AREG: variants seen among roughly 807,000 people sequenced by gnomAD.
AREG encodes amphiregulin B.
AREG carries 16 observed loss-of-function variants against 28.0 expected under a neutral mutation model. The ratio of observed to expected loss-of-function variants is 0.57; its 90% CI spans 0.39 to 0.87. AREG has a LOEUF of 0.87. Ranked by LOEUF, AREG falls within the 40% of genes least tolerant of loss-of-function variation. The pLI, the probability that AREG is intolerant of heterozygous loss-of-function variation, is 0.00. For missense variants in AREG, 287 were observed against 309.1 expected, an observed-to-expected ratio of 0.93 and a Z score of 0.53; for synonymous variants, 113 against 113.5, an observed-to-expected ratio of 1.00 and a Z score of 0.02.
intron 2 of AREG, among the ~76,000 whole-genome samples, chr4:74,447,200 T>G (rs1241207354): frequency 6.6e-6 from 1 of 152,152 alleles, no homozygotes; most frequent in Non-Finnish European, 1.5e-5. Context: ...GAGAGACAAA[T>G]TTAGACATTA....
At chr4:74,448,853 C>A in intron 2 of AREG, 194 bp from the exon 3 acceptor site, 2 of 763,250 alleles carry the variant, frequency 2.6e-6, no homozygotes, top group Non-Finnish European at 4.0e-6. Flanking sequence ...GTGGACACTA[C>A]TTTCAGGTAG....
chr4:74,445,652 C>G (rs972032756), intron 1 of AREG, among the ~76,000 whole-genome samples: 4 of 152,182 alleles, frequency 2.6e-5, no homozygotes, highest in African/African-American at 9.7e-5. Flanking sequence ...CGGGAGAGAT[C>G]ATTTGAACCT....
chr4:74,449,349 G>A lies in AREG; in HGVS notation c.512+101G>A, dbSNP rs1190598744. ...TATTTTTCCAATGTATAAACCAAGG[G>A]TCAGTAAACTTTTTGTTAAAGCACC... is the stretch of plus-strand genomic sequence containing the variant. On this transcript the variant is annotated intron_variant, in intron 3 of 5. Transcript: ENST00000395748. 6.4e-6 allele frequency: 10 copies of A among 1,567,308 alleles called. No individual in the cohort carries two copies. In the Admixed American group the frequency reaches 1.7e-4, roughly 27 times the overall value.
At chr4:74,450,321 A>G (rs1417625212) in intron 3 of AREG, 59 bp from the exon 4 acceptor site, 11 of 1,613,366 alleles carry the variant, frequency 6.8e-6, no homozygotes, top group Non-Finnish European at 9.3e-6. Context: ...CTGGAGAATA[A>G]GCTTAAAACA....
intron 2 of AREG, among the ~76,000 whole-genome samples, chr4:74,447,065 A>G (rs1320880032): frequency 6.6e-6 from 1 of 152,204 alleles, no homozygotes; most frequent in Non-Finnish European, 1.5e-5. Context: ...CTGAAGCCGA[A>G]AAAGGTTTTG....
intron 3 of AREG, among the ~76,000 whole-genome samples, chr4:74,449,832 C>A (rs1186129811): frequency 6.6e-6 from 1 of 151,958 alleles, no homozygotes; most frequent in African/African-American, 2.4e-5. Flanking sequence ...CAGCAAATGG[C>A]TGGATTTGAT....
At chr4:74,453,885 A>C (rs1719419151) in intron 5 of AREG, among the ~76,000 whole-genome samples, 1 of 150,828 alleles carries the variant, frequency 6.6e-6, no homozygotes, top group Non-Finnish European at 1.5e-5. Context: ...GCGCCATTGC[A>C]CTCCAACCTG....
intron 4 of AREG, among the ~76,000 whole-genome samples, chr4:74,451,701 C>T (rs1467773416): frequency 6.6e-6 from 1 of 152,064 alleles, no homozygotes; most frequent in African/African-American, 2.4e-5. Context: ...AAGGATAGAA[C>T]AAAACAATCG....
chr4:74,451,077 A>G (rs1719373339), intron 4 of AREG, among the ~76,000 whole-genome samples: 1 of 152,248 alleles, frequency 6.6e-6, no homozygotes, highest in Non-Finnish European at 1.5e-5. Flanking sequence ...TTATTTTGTT[A>G]CTATCGAATA....
Position 74,446,540 on chromosome 4 carries a change from A to G in AREG, c.68A>G (p.Tyr23Cys). The change falls in exon 2 of 6, where the codon TAT becomes TGT. Residue 23 changes from tyrosine to cysteine, a missense_variant. Physicochemically the swap from Tyr to Cys is radical, Grantham distance 194 (BLOSUM62 -2). Coordinates refer to ENST00000395748, the MANE Select transcript of AREG (RefSeq NM_001657.4). ...TTTATTCCCTCCCCTGCAGGCCATT[A>G]TGCTGCTGGATTGGACCTCAATGAC... ...LSLLILGSGHYAAGLDLNDTY... is the reference protein window; with the variant it reads ...LSLLILGSGHCAAGLDLNDTY... 3 of 1,613,926 alleles carry G rather than the reference A, an allele frequency of 1.9e-6. No homozygotes were observed. Among genetic ancestry groups the G allele is most frequent in the Non-Finnish European group, 2.5e-6 (3 of 1,179,862 alleles).
intron 2 of AREG, among the ~76,000 whole-genome samples, chr4:74,447,073 T>C (rs529924861): frequency 5.5e-4 from 84 of 152,328 alleles, no homozygotes; most frequent in African/African-American, 2.0e-3. Flanking sequence ...GAAAAAGGTT[T>C]TGCTCTAGGT....
chr4:74,451,639 A>C (rs1719382907), intron 4 of AREG, among the ~76,000 whole-genome samples: 1 of 152,226 alleles, frequency 6.6e-6, no homozygotes. Flanking sequence ...CTCAAGGCAG[A>C]TATGCAAAGG....
Position 74,445,238 on chromosome 4 carries a change from A to C in AREG, c.-108A>C, listed in dbSNP as rs7656521. 0.011 allele frequency: 16,738 copies of C among 1,539,916 alleles called. 1,585 individuals carry two copies. The African/African-American group carries it at 0.2, about 18-fold the overall frequency. On this transcript the variant is annotated 5_prime_UTR_variant, in exon 1 of 6. Transcript: ENST00000395748. ...CCCCAAGCCTTCGAGAGCGGCGCAC[A>C]CTCCCGGTCTCCACTCGCTCTTCCA...
rs1230584665 is a variant in AREG, at chr4:74,449,105, A to T, written c.369A>T (p.Lys123Asn). The change falls in exon 3 of 6, where the codon AAA (lysine) becomes AAT (asparagine). Residue 123 changes from lysine to asparagine, a missense_variant. Physicochemically the swap from Lys to Asn is moderately conservative, Grantham distance 94. Coordinates refer to ENST00000395748, the MANE Select transcript of AREG (RefSeq NM_001657.4). ...CGGAAAGTGAAAATACTTCAGATAA[A>T]CCCAAAAGAAAGAAAAAGGGAGGCA... ...NKTESENTSD[K>N]PKRKKKGGKN... 9.9e-6 allele frequency: 16 copies of T among 1,612,034 alleles called. No individual in the cohort carries two copies. Among genetic ancestry groups the T allele is most frequent in the Non-Finnish European group, 1.2e-5 (14 of 1,179,662 alleles).
In AREG at chr4:74,445,151, TG is replaced by T; in HGVS notation, c.-192del. ...GCCGCCCTACAGACGTTCGCACACC[TG>T]GGTGCCAGCGCCCCAGAGGTCCCGG... On this transcript the variant is annotated 5_prime_UTR_variant, in exon 1 of 6. Transcript: ENST00000395748. 1 of 1,274,658 alleles carries T rather than the reference TG, an allele frequency of 7.8e-7. No homozygotes were observed. Among genetic ancestry groups the T allele is most frequent in the Non-Finnish European group, 1.1e-6 (1 of 948,430 alleles). The allele number at this position is 1,274,658 out of a possible 1,614,324, so 79.0% of individuals were successfully genotyped here.
At chr4:74,449,905 G>GCTCT (rs34389731) in intron 3 of AREG, among the ~76,000 whole-genome samples, 31,209 of 145,398 alleles carry the variant, frequency 0.21, 3,672 homozygotes, top group African/African-American at 0.32. Context: ...GCTCCTGCTT[G>GCTCT]CTCTCTCTCT....
chr4:74,454,173 A>C (rs1054848230), intron 5 of AREG, among the ~76,000 whole-genome samples: 1 of 152,226 alleles, frequency 6.6e-6, no homozygotes, highest in Non-Finnish European at 1.5e-5. Context: ...TATTACATCA[A>C]AATTTTTAAT....
chr4:74,446,819 A>G (rs1397500284), intron 2 of AREG, 37 bp downstream of exon 2: 4 of 1,613,688 alleles, frequency 2.5e-6, no homozygotes, highest in Non-Finnish European at 2.5e-6. Flanking sequence ...GGCCTGTGAG[A>G]TGTGGGTTTA....
At chr4:74,450,113 A>G (rs1719358635) in intron 3 of AREG, among the ~76,000 whole-genome samples, 1 of 152,182 alleles carries the variant, frequency 6.6e-6, no homozygotes, top group Admixed American at 6.5e-5. Flanking sequence ...ATAACAAATC[A>G]CTGAACTCAT....
Sources: allele counts gnomAD v4.1 joint callset (sites outside exome capture counted in the v4.1 genomes callset), GRCh38; gene constraint gnomAD v4.1.1; transcripts MANE v1.5; gene names NCBI Gene and HGNC (gene_info 2026-07-23, HGNC 2026-07-21).